Variants in EPHB1 observed in about 807,000 individuals in gnomAD.
The protein encoded by EPHB1 is EPH receptor B1.
Under a neutral mutation model 94.4 loss-of-function variants are expected in EPHB1, and 30 were observed. The observed-to-expected ratio is 0.32, with a 90% CI of 0.24 to 0.43. EPHB1 has a LOEUF of 0.43. Ranked by LOEUF, EPHB1 falls within the 20% of genes least tolerant of loss-of-function variation. EPHB1 has a pLI of 1.00. For synonymous variants in EPHB1, 522 were observed against 489.1 expected (o/e 1.07, Z -0.89); for missense variants, 1,055 against 1,308.3 (o/e 0.81, Z 2.99).
chr3:135,092,793 T>G (rs899095896), intron 3 of EPHB1, among the ~76,000 whole-genome samples: 1 of 152,182 alleles, frequency 6.6e-6, no homozygotes, highest in African/African-American at 2.4e-5. Flanking sequence ...TCCTGACTAA[T>G]TTTTTGTATT....
chr3:135,215,416 G>T (rs1007420906), intron 12 of EPHB1, among the ~76,000 whole-genome samples: 5 of 152,170 alleles, frequency 3.3e-5, no homozygotes, highest in African/African-American at 1.2e-4. Flanking sequence ...GCCTGCCTTA[G>T]CCTCCCAAGC....
intron 3 of EPHB1, among the ~76,000 whole-genome samples, chr3:135,102,726 C>T (rs996800685): frequency 6.6e-6 from 1 of 152,162 alleles, no homozygotes; most frequent in Non-Finnish European, 1.5e-5. Flanking sequence ...TTGGAACCAA[C>T]CCAAATGCCC....
In EPHB1 at chr3:134,925,777, A is replaced by G. The variant is rs539126781; in HGVS notation, c.59-39A>G. 2.6e-6 allele frequency: 4 copies of G among 1,528,690 alleles called. No homozygotes were observed. The East Asian group carries it at 7.4e-5, about 28-fold the overall frequency. The allele number at this position is 1,528,690 out of a possible 1,614,324, so 94.7% of individuals were successfully genotyped here. Reference sequence around the variant, plus strand: ...CACTGTATAGCAATCCTTCTGACTCATTGTTTTTGTTTATTCGTTTTTTCT... The same window carrying G: ...CACTGTATAGCAATCCTTCTGACTCGTTGTTTTTGTTTATTCGTTTTTTCT... On this transcript the variant is annotated intron_variant, in intron 1 of 15. Transcript: ENST00000398015.
intron 12 of EPHB1, among the ~76,000 whole-genome samples, chr3:135,203,691 A>G (rs1942819384): frequency 6.6e-6 from 1 of 152,228 alleles, no homozygotes; most frequent in African/African-American, 2.4e-5. Flanking sequence ...TTAATTTTCA[A>G]CAATTAGGTG....
chr3:135,241,209 C>T lies in EPHB1; in HGVS notation c.2408C>T (p.Ser803Leu), dbSNP rs928158346. 1 of 1,614,204 alleles carries T rather than the reference C, an allele frequency of 6.2e-7. No homozygotes were observed. Among genetic ancestry groups the T allele is most frequent in the Non-Finnish European group, 8.5e-7 (1 of 1,180,044 alleles). Residue 803 changes from serine (S) to leucine (L), a missense_variant, in exon 13 of 16, where the codon TCA becomes TTA. Ser to Leu is a moderately radical substitution (Grantham distance 145, BLOSUM62 -2). Transcript: ENST00000398015. ...GCCATCGCCTACCGCAAGTTCACTT[C>T]AGCCAGCGACGTTTGGAGCTATGGG... ...PEAIAYRKFT[S>L]ASDVWSYGIV...
At chr3:135,154,677 T>C (rs1941297445) in intron 6 of EPHB1, among the ~76,000 whole-genome samples, 1 of 152,186 alleles carries the variant, frequency 6.6e-6, no homozygotes, top group Non-Finnish European at 1.5e-5. Context: ...CCAAAATAAA[T>C]TTATTTATAA....
chr3:134,986,290 ATCAAGGG>A (rs1934591716), intron 3 of EPHB1, among the ~76,000 whole-genome samples: 1 of 152,194 alleles, frequency 6.6e-6, no homozygotes, highest in African/African-American at 2.4e-5. Context: ...CAGTGAATTT[ATCAAGGG>A]TGGGCCAAGT....
At chr3:134,992,587 A>G (rs115005356) in intron 3 of EPHB1, among the ~76,000 whole-genome samples, 16 of 152,350 alleles carry the variant, frequency 1.1e-4, no homozygotes, top group African/African-American at 3.8e-4. Flanking sequence ...GCACAGCGGA[A>G]GGGTCTTTCC....
In EPHB1 at chr3:135,225,226, A is replaced by T. The variant is rs542944612; in HGVS notation, c.2347-15922A>T. On this transcript the variant is annotated intron_variant, in intron 12 of 15. Transcript: ENST00000398015. The stretch of plus-strand genomic sequence containing the variant: ...AGTAAAATACAGCCCTGAAGGGCCC[A>T]GAAAGATGCAAGGCGTAATCCAAAA... Among the ~76,000 whole-genome samples the T allele has an allele frequency of 6.2e-4, 94 of 152,356 alleles. 2 individuals carry two copies. In the South Asian group the frequency reaches 0.013, roughly 21 times the overall value.
chr3:134,903,242 C>G (rs999384026), intron 1 of EPHB1, among the ~76,000 whole-genome samples: 6 of 152,224 alleles, frequency 3.9e-5, no homozygotes, highest in African/African-American at 1.2e-4. Context: ...ATCTGGAGGT[C>G]GTTGGAAGGA....
At chr3:135,037,341 A>T (rs1312903921) in intron 3 of EPHB1, among the ~76,000 whole-genome samples, 2 of 152,140 alleles carry the variant, frequency 1.3e-5, no homozygotes, top group African/African-American at 4.8e-5. Context: ...GGCCTTGAAA[A>T]CTGGAGGAGG....
intron 3 of EPHB1, among the ~76,000 whole-genome samples, chr3:134,991,944 A>G (rs960894936): frequency 3.9e-5 from 6 of 152,088 alleles, no homozygotes; most frequent in African/African-American, 7.2e-5. Flanking sequence ...ACACTTTTCC[A>G]GGACTTCCCT....
At chr3:135,031,103 A>G (rs967040077) in intron 3 of EPHB1, among the ~76,000 whole-genome samples, 1 of 152,104 alleles carries the variant, frequency 6.6e-6, no homozygotes, top group Non-Finnish European at 1.5e-5. Flanking sequence ...GCGCGCACCC[A>G]CTGACCTGCG....
intron 5 of EPHB1, among the ~76,000 whole-genome samples, chr3:135,142,927 G>T (rs1940877696): frequency 6.6e-6 from 1 of 152,112 alleles, no homozygotes; most frequent in South Asian, 2.1e-4. Flanking sequence ...TTTGCAAAGG[G>T]TGCAGGAGAT....
At chr3:135,238,733 G>GTCTC (rs199779292) in intron 12 of EPHB1, among the ~76,000 whole-genome samples, 1 of 151,416 alleles carries the variant, frequency 6.6e-6, no homozygotes, top group Non-Finnish European at 1.5e-5. Context: ...CTCTGTCTCT[G>GTCTC]TCTCTCTCTC....
intron 1 of EPHB1, among the ~76,000 whole-genome samples, chr3:134,877,754 G>A (rs1052540916): frequency 6.6e-6 from 1 of 152,200 alleles, no homozygotes; most frequent in Non-Finnish European, 1.5e-5. Context: ...GCTGGGGGCT[G>A]TGTGTTACCT....
At chr3:135,187,055 T>C (rs1311779221) in intron 10 of EPHB1, among the ~76,000 whole-genome samples, 1 of 152,228 alleles carries the variant, frequency 6.6e-6, no homozygotes, top group Admixed American at 6.5e-5. Context: ...CTGATGCTAC[T>C]GGTCAAGAAC....
intron 15 of EPHB1, among the ~76,000 whole-genome samples, chr3:135,258,543 A>G (rs983499318): frequency 6.6e-6 from 1 of 152,140 alleles, no homozygotes; most frequent in Non-Finnish European, 1.5e-5. Context: ...ATTCACATGG[A>G]GGCAGCAAAT....
intron 1 of EPHB1, among the ~76,000 whole-genome samples, chr3:134,925,569 A>G (rs1028711270): frequency 6.6e-6 from 1 of 152,078 alleles, no homozygotes; most frequent in Admixed American, 6.5e-5. Context: ...CCGGGGAGAG[A>G]GCACTGGACT....
Sources: gnomAD v4.1 joint callset for allele counts (sites outside exome capture counted in the v4.1 genomes callset) on GRCh38, gnomAD v4.1.1 for gene constraint, MANE v1.5 for transcripts, NCBI Gene and HGNC (gene_info 2026-07-23, HGNC 2026-07-21) for gene names.